Variants in CNIH1 observed in about 807,000 individuals in gnomAD.
The protein encoded by CNIH1 is cornichon family member 1.
In CNIH1, 12 loss-of-function variants were observed where a neutral mutation model predicts 20.2. The ratio of observed to expected loss-of-function variants is 0.59; its 90% CI spans 0.38 to 0.96. The LOEUF (loss-of-function observed/expected upper bound fraction) is 0.96. Among genes scored for constraint, CNIH1 ranks in the 40% least tolerant of loss-of-function variants. The pLI is 0.00. For missense variants in CNIH1, 152 were observed against 178.8 expected (o/e 0.85, Z 0.85); for synonymous variants, 69 against 63.3 (o/e 1.09, Z -0.43).
In CNIH1 at chr14:54,424,808, A is replaced by C. The variant is rs1249843368; in HGVS notation, c.*3006T>G. On this transcript the variant is annotated 3_prime_UTR_variant, in exon 5 of 5. Transcript: ENST00000216416. The stretch of plus-strand genomic sequence containing the variant: ...TGTGTACTTTGTTGCCATGTGAGAG[A>C]CCATTATCTGGGTACATGAATTTGA... 1 of 152,176 alleles carries C rather than the reference A, an allele frequency of 6.6e-6. No homozygotes were observed. Among genetic ancestry groups the C allele is most frequent in the East Asian group, 1.9e-4 (1 of 5,200 alleles). 9.4% of individuals were successfully genotyped at this position (152,176 alleles called of 1,614,324 possible).
intron 1 of CNIH1, 144 bp downstream of exon 1, chr14:54,441,103 C>A (rs1174622384): frequency 2.8e-5 from 24 of 856,242 alleles, no homozygotes; most frequent in Non-Finnish European, 3.6e-5. Context: ...GGCCCCCAGA[C>A]CCCTCGCCGC....
Position 54,424,127 on chromosome 14 carries a change from A to G in CNIH1, c.*3687T>C, listed in dbSNP as rs2030780793. The G allele has an allele frequency of 6.6e-6, 1 of 152,366 alleles. No individual in the cohort carries two copies. The highest frequency in any genetic ancestry group is 1.9e-4 in the East Asian group (1 of 5,186). 9.4% of individuals were successfully genotyped at this position (152,366 alleles called of 1,614,324 possible). A position where few individuals can be genotyped will look rare whatever the true frequency, so the allele number is the denominator to read the frequency against. The stretch of plus-strand genomic sequence containing the variant: ...TTAATTCAGAACCATCTTCCAAGCT[A>G]TACTGGTAGCACCACAGACTTACTA... On this transcript the variant is annotated 3_prime_UTR_variant, in exon 5 of 5. Coordinates refer to ENST00000216416, the MANE Select transcript of CNIH1 (RefSeq NM_005776.3).
Position 54,423,720 on chromosome 14 carries a change from T to C in CNIH1, c.*4094A>G, listed in dbSNP as rs924522215. 1 of 152,228 alleles carries C rather than the reference T, an allele frequency of 6.6e-6. No individual in the cohort carries two copies. The highest frequency in any genetic ancestry group is 2.4e-5 in the African/African-American group (1 of 41,458). 9.4% of individuals were successfully genotyped at this position (152,228 alleles called of 1,614,324 possible). On this transcript the variant is annotated 3_prime_UTR_variant, in exon 5 of 5. Transcript: ENST00000216416. ...AGCAGACAGCTAACTACATGTTATG[T>C]TTCTCTTAGTAGTTTTAGGGTCTGC...
rs2139996430 is a variant in CNIH1, at chr14:54,424,346, T to C, written c.*3468A>G. The C allele has an allele frequency of 6.6e-6, 1 of 152,372 alleles. No individual in the cohort carries two copies. Among genetic ancestry groups the C allele is most frequent in the Non-Finnish European group, 1.5e-5 (1 of 68,038 alleles). 9.4% of individuals were successfully genotyped at this position (152,372 alleles called of 1,614,324 possible). A position where few individuals can be genotyped will look rare whatever the true frequency, so the allele number is the denominator to read the frequency against. On this transcript the variant is annotated 3_prime_UTR_variant, in exon 5 of 5. Coordinates refer to ENST00000216416, the MANE Select transcript of CNIH1 (RefSeq NM_005776.3). ...ATATTTTTGCCATCAAAATTTCTGA[T>C]TTACAATCATGATATACAACTGAGA...
intron 2 of CNIH1, chr14:54,435,986 C>A (rs1326454113): frequency 1.5e-6 from 1 of 664,300 alleles, no homozygotes; most frequent in South Asian, 1.6e-5. Flanking sequence ...TATGAACGAG[C>A]ACACTGAACA....
chr14:54,434,308 A>G (rs1188719166), intron 2 of CNIH1, among the ~76,000 whole-genome samples: 2 of 152,244 alleles, frequency 1.3e-5, no homozygotes, highest in East Asian at 1.9e-4. Flanking sequence ...GGATGTCCCA[A>G]GCACATGTCT....
chr14:54,427,458 C>G lies in CNIH1; in HGVS notation c.*356G>C, dbSNP rs1013510371. On this transcript the variant is annotated 3_prime_UTR_variant, in exon 5 of 5. Coordinates refer to ENST00000216416, the MANE Select transcript of CNIH1 (RefSeq NM_005776.3). ...TTCAATGAAACCAAAATGAGCCCTACAAGTTCCTATAAACAAAAGCTTCCA... is the reference window on the plus strand; with the variant it reads ...TTCAATGAAACCAAAATGAGCCCTAGAAGTTCCTATAAACAAAAGCTTCCA... 1 of 204,606 alleles carries G rather than the reference C, an allele frequency of 4.9e-6. No individual in the cohort carries two copies. The highest frequency in any genetic ancestry group is 2.3e-5 in the African/African-American group (1 of 43,314). 12.7% of individuals were successfully genotyped at this position (204,606 alleles called of 1,614,324 possible).
Position 54,432,180 on chromosome 14 carries a change from A to T in CNIH1, c.191T>A (p.Val64Asp). ...CCACTCTGCTGCACAAAGAAACATG[A>T]CACAGAAGAAAGCGTGGATGAGGTA... ...PEYLIHAFFC[V>D]MFLCAAEWLT... Residue 64 changes from valine (V) to aspartate (D), a missense_variant, in exon 3 of 5, where the codon GTC becomes GAC. This residue lies in a region of CNIH1 where 97 missense variants were observed against 100.6 expected (regional missense o/e 0.96). Coordinates refer to ENST00000216416, the MANE Select transcript of CNIH1 (RefSeq NM_005776.3). The T allele has an allele frequency of 6.4e-7, 1 of 1,564,792 alleles. No individual in the cohort carries two copies. Among genetic ancestry groups the T allele is most frequent in the Non-Finnish European group, 8.7e-7 (1 of 1,153,778 alleles).
chr14:54,430,246 A>G lies in CNIH1; in HGVS notation c.407+15T>C. The G allele has an allele frequency of 6.2e-7, 1 of 1,612,710 alleles. No homozygotes were observed. The highest frequency in any genetic ancestry group is 8.5e-7 in the Non-Finnish European group (1 of 1,179,116). On this transcript the variant is annotated intron_variant, in intron 4 of 4. Coordinates refer to ENST00000216416, the MANE Select transcript of CNIH1 (RefSeq NM_005776.3). ...GCAAAGTGAAAGCATATTTCATTTT[A>G]CCTTTTCAACTTACCCATATAGGTA...
In CNIH1 at chr14:54,438,926, TC is replaced by T. The variant is rs1333049707; in HGVS notation, c.81+2320del. On this transcript the variant is annotated intron_variant, in intron 1 of 4. Coordinates refer to ENST00000216416, the MANE Select transcript of CNIH1 (RefSeq NM_005776.3). ...TGGCTTGTAAACAGCGCCTGGCACC[TC>T]CCCCTCTTTTTCCTTTGCTTTCTCT... Among the ~76,000 whole-genome samples, 3 of 152,106 alleles carry T rather than the reference TC, an allele frequency of 2.0e-5. No homozygotes were observed. The East Asian group carries it at 5.8e-4, about 29-fold the overall frequency.
At chr14:54,433,549 A>C (rs1248148279) in intron 2 of CNIH1, among the ~76,000 whole-genome samples, 1 of 152,238 alleles carries the variant, frequency 6.6e-6, no homozygotes, top group Non-Finnish European at 1.5e-5. Flanking sequence ...AAAGTTCTCT[A>C]AACAAGAAAA....
rs534454023 is a variant in CNIH1 at position 54,439,552 on chromosome 14, C to CT, written c.81+1694dup. Among the ~76,000 whole-genome samples, 318 of 146,820 alleles carry CT rather than the reference C, an allele frequency of 2.2e-3. 1 individual carries two copies. The highest frequency in any genetic ancestry group is 6.6e-3 in the African/African-American group (262 of 39,888). ...ATGGAACCACACACTTTCTTTCTTT[C>CT]TTTTTTTTTGTTTTTTTTTTGAGAC... On this transcript the variant is annotated intron_variant, in intron 1 of 4. Transcript: ENST00000216416.
chr14:54,429,641 C>A (rs1402726906), intron 4 of CNIH1, among the ~76,000 whole-genome samples: 1 of 152,122 alleles, frequency 6.6e-6, no homozygotes, highest in Non-Finnish European at 1.5e-5. Flanking sequence ...CGCCTGTAAT[C>A]CCAGCTACTC....
Position 54,425,434 on chromosome 14 carries a change from T to C in CNIH1, c.*2380A>G, listed in dbSNP as rs2030808760. On this transcript the variant is annotated 3_prime_UTR_variant, in exon 5 of 5. Coordinates refer to ENST00000216416, the MANE Select transcript of CNIH1 (RefSeq NM_005776.3). ...AACAGCTGTTGCTGCACAGGGAATG[T>C]TTAACGTAAACTGAATTATAAACCC... 6.6e-6 allele frequency: 1 copy of C among 151,170 alleles called. No individual in the cohort carries two copies. Among genetic ancestry groups the C allele is most frequent in the African/African-American group, 2.4e-5 (1 of 41,200 alleles). 9.4% of individuals were successfully genotyped at this position (151,170 alleles called of 1,614,324 possible).
chr14:54,433,397 T>A (rs1042234896), intron 2 of CNIH1, among the ~76,000 whole-genome samples: 20 of 152,188 alleles, frequency 1.3e-4, no homozygotes, highest in East Asian at 7.7e-4. Flanking sequence ...ATACTATTTT[T>A]AAAAAAAATC....
rs1321779730 is a variant in CNIH1 at position 54,423,721 on chromosome 14, TTC to T, written c.*4091_*4092del. 2 of 152,230 alleles carry T rather than the reference TTC, an allele frequency of 1.3e-5. No individual in the cohort carries two copies. The highest frequency in any genetic ancestry group is 1.5e-5 in the Non-Finnish European group (1 of 68,038). The allele number at this position is 152,230 out of a possible 1,614,324, so 9.4% of individuals were successfully genotyped here. On this transcript the variant is annotated 3_prime_UTR_variant, in exon 5 of 5. Transcript: ENST00000216416. Reference sequence around the variant, plus strand: ...GCAGACAGCTAACTACATGTTATGTTTCTCTTAGTAGTTTTAGGGTCTGCCCA... The same window carrying T: ...GCAGACAGCTAACTACATGTTATGTTTCTTAGTAGTTTTAGGGTCTGCCCA...
chr14:54,437,753 A>G (rs1022433122), intron 1 of CNIH1, among the ~76,000 whole-genome samples: 22 of 152,146 alleles, frequency 1.4e-4, no homozygotes, highest in African/African-American at 5.1e-4. Context: ...TTAAAAACAT[A>G]CATGTGTAAT....
chr14:54,434,530 T>A (rs10142290), intron 2 of CNIH1, among the ~76,000 whole-genome samples: 1 of 152,178 alleles, frequency 6.6e-6, no homozygotes, highest in South Asian at 2.1e-4. Context: ...TTCAGTTTAC[T>A]CTCCTATTCA....
At chr14:54,436,642 TA>T in intron 1 of CNIH1, 6 of 576,008 alleles carry the variant, frequency 1.0e-5, no homozygotes, top group Middle Eastern at 3.1e-4. Context: ...TCAGTATCAC[TA>T]AAATTTGGTA....
Sources: gnomAD v4.1 joint callset for allele counts (sites outside exome capture counted in the v4.1 genomes callset) on GRCh38, gnomAD v4.1.1 for gene constraint, gnomAD v4.1.1 regional missense constraint, MANE v1.5 for transcripts, NCBI Gene and HGNC (gene_info 2026-07-23, HGNC 2026-07-21) for gene names.